Variants in INTU observed in about 807,000 individuals in gnomAD.
INTU encodes protein inturned.
A neutral mutation model predicts 100.5 loss-of-function variants in INTU; 68 were observed. That is an observed-to-expected ratio of 0.68 (90% CI 0.56 to 0.83). INTU has a LOEUF of 0.83. INTU is among the 40% of genes least tolerant of loss of function. The pLI is 0.00. For synonymous variants in INTU, 357 were observed against 395.7 expected, an observed-to-expected ratio of 0.90 and a Z score of 1.16; for missense variants, 1,071 against 1,114.7, an observed-to-expected ratio of 0.96 and a Z score of 0.56.
chr4:127,648,254 C>G (rs191999426), intron 2 of INTU, among the ~76,000 whole-genome samples: 27 of 152,184 alleles, frequency 1.8e-4, no homozygotes, highest in Non-Finnish European at 2.6e-4. Flanking sequence ...TGCAAAGGTG[C>G]GATGTCCGGG....
intron 14 of INTU, 97 bp downstream of exon 14, chr4:127,711,199 T>G: frequency 1.0e-6 from 1 of 971,802 alleles, no homozygotes; most frequent in Non-Finnish European, 1.4e-6. Context: ...TGTTTTCATT[T>G]CATTAAGTTT....
intron 5 of INTU, 118 bp downstream of exon 5, chr4:127,669,272 T>G (rs1446508425): frequency 2.0e-6 from 1 of 507,490 alleles, no homozygotes; most frequent in African/African-American, 2.0e-5. Flanking sequence ...ATGTATGTAT[T>G]ATATACATTA....
intron 12 of INTU, among the ~76,000 whole-genome samples, chr4:127,707,375 A>G (rs1214119880): frequency 3.1e-5 from 4 of 128,538 alleles, no homozygotes; most frequent in Admixed American, 9.1e-5. Flanking sequence ...CCTGGGTGAC[A>G]GAGTGAGACT....
rs1728557202 is a variant in INTU at position 127,663,363 on chromosome 4, T to C, written c.769-18T>C. The C allele has an allele frequency of 6.3e-7, 1 of 1,596,190 alleles. No homozygotes were observed. Among genetic ancestry groups the C allele is most frequent in the South Asian group, 1.1e-5 (1 of 90,174 alleles). On this transcript the variant is annotated intron_variant, in intron 3 of 15. Transcript: ENST00000335251. ...TTTCCCTTGTCGAAAAGTCAACACA[T>C]TGTTTTAATTTTTAAAGGTGAAACT...
At chr4:127,660,218 A>G (rs937566347) in intron 3 of INTU, among the ~76,000 whole-genome samples, 21 of 152,136 alleles carry the variant, frequency 1.4e-4, no homozygotes, top group African/African-American at 5.1e-4. Context: ...GAGGAAGGAA[A>G]GAGGACAATA....
At chr4:127,695,840 T>C (rs1730358785) in intron 8 of INTU, among the ~76,000 whole-genome samples, 2 of 152,184 alleles carry the variant, frequency 1.3e-5, no homozygotes, top group Admixed American at 6.5e-5. Flanking sequence ...TTTGTAGATA[T>C]TCTTTATCAA....
chr4:127,709,825 T>C (rs1191976072), intron 13 of INTU, among the ~76,000 whole-genome samples: 1 of 151,992 alleles, frequency 6.6e-6, no homozygotes, highest in Admixed American at 6.6e-5. Context: ...TGTTAGAAAA[T>C]TCTTTTTTTC....
In INTU at chr4:127,725,489, C is replaced by T. The variant is rs1396933419; in HGVS notation, c.*9053C>T. On this transcript the variant is annotated 3_prime_UTR_variant, in exon 16 of 16. Coordinates refer to ENST00000335251, the MANE Select transcript of INTU (RefSeq NM_015693.4). ...GATATGTCCCTGAAAATACCATGAACTACTTCTAATACTGATAATTATGAA... is the reference window on the plus strand; with the variant it reads ...GATATGTCCCTGAAAATACCATGAATTACTTCTAATACTGATAATTATGAA... 2.0e-5 allele frequency: 3 copies of T among 152,266 alleles called. No homozygotes were observed. The highest frequency in any genetic ancestry group is 4.4e-5 in the Non-Finnish European group (3 of 68,020). The allele number at this position is 152,266 out of a possible 1,614,324, so 9.4% of individuals were successfully genotyped here.
intron 2 of INTU, among the ~76,000 whole-genome samples, chr4:127,650,786 G>C (rs1007634203): frequency 1.3e-5 from 2 of 151,592 alleles, no homozygotes; most frequent in African/African-American, 4.8e-5. Context: ...GATCCCTGAG[G>C]AATCGCCACA....
Position 127,723,087 on chromosome 4 carries a change from C to G in INTU, c.*6651C>G, listed in dbSNP as rs1397139482. ...TTGGCTCAGGAGGGAACCTCCTGAT[C>G]TACAAGTTGCAAGGATCTGTGGGAA... On this transcript the variant is annotated 3_prime_UTR_variant, in exon 16 of 16. Coordinates refer to ENST00000335251, the MANE Select transcript of INTU (RefSeq NM_015693.4). The G allele has an allele frequency of 6.6e-6, 1 of 152,168 alleles. No individual in the cohort carries two copies. Among genetic ancestry groups the G allele is most frequent in the Non-Finnish European group, 1.5e-5 (1 of 68,044 alleles). 9.4% of individuals were successfully genotyped at this position (152,168 alleles called of 1,614,324 possible).
In INTU at chr4:127,675,793, G is replaced by A. The variant is rs149726398; in HGVS notation, c.1181+1580G>A. On this transcript the variant is annotated intron_variant, in intron 6 of 15. Transcript: ENST00000335251. ...GTCAACTGGCTTCCTCCAAAGTGGC[G>A]AGCCAAAAGACAGAAAGAGGGGGAT... is the stretch of plus-strand genomic sequence containing the variant. The A allele has an allele frequency of 6.4e-3, 1,069 of 167,708 alleles. 12 individuals are homozygous for A. The highest frequency in any genetic ancestry group is 0.024 in the African/African-American group (1,016 of 42,094). The allele number at this position is 167,708 out of a possible 1,614,324, so 10.4% of individuals were successfully genotyped here. A position where few individuals can be genotyped will look rare whatever the true frequency, so the allele number is the denominator to read the frequency against.
At chr4:127,680,859 T>C (rs900814622) in intron 6 of INTU, among the ~76,000 whole-genome samples, 37 of 152,120 alleles carry the variant, frequency 2.4e-4, no homozygotes, top group African/African-American at 8.7e-4. Flanking sequence ...AACCCCATTG[T>C]CTCAGCCTAA....
chr4:127,682,996 A>G (rs1161488251), intron 6 of INTU, among the ~76,000 whole-genome samples: 1 of 152,182 alleles, frequency 6.6e-6, no homozygotes, highest in African/African-American at 2.4e-5. Flanking sequence ...AGGCTGTTCA[A>G]CCACACTCTG....
chr4:127,703,622 A>AT (rs1730747035), intron 9 of INTU, among the ~76,000 whole-genome samples: 1 of 152,016 alleles, frequency 6.6e-6, no homozygotes, highest in African/African-American at 2.4e-5. Context: ...GATCAATCAT[A>AT]TTTTTTTAAC....
intron 6 of INTU, among the ~76,000 whole-genome samples, chr4:127,682,042 A>C (rs1004835153): frequency 6.6e-6 from 1 of 151,532 alleles, no homozygotes; most frequent in Non-Finnish European, 1.5e-5. Context: ...TGCAAATCAA[A>C]ACCACAATGA....
intron 1 of INTU, among the ~76,000 whole-genome samples, chr4:127,642,744 G>C (rs1238320660): frequency 3.3e-5 from 5 of 151,524 alleles, no homozygotes; most frequent in African/African-American, 1.2e-4. Flanking sequence ...GCTCCTTAAT[G>C]CTATTTCAAT....
chr4:127,662,595 A>G (rs941266140), intron 3 of INTU, among the ~76,000 whole-genome samples: 6 of 152,124 alleles, frequency 3.9e-5, no homozygotes, highest in African/African-American at 1.4e-4. Flanking sequence ...ATCCCTAAGT[A>G]CTTTGAAATG....
intron 4 of INTU, 102 bp from the exon 5 acceptor site, chr4:127,668,934 G>A: frequency 1.8e-6 from 1 of 560,404 alleles, no homozygotes; most frequent in Non-Finnish European, 3.3e-6. Flanking sequence ...GAAGCTGAAA[G>A]GATTCATTTT....
At chr4:127,677,335 A>C (rs1045927657) in intron 6 of INTU, among the ~76,000 whole-genome samples, 10 of 151,478 alleles carry the variant, frequency 6.6e-5, no homozygotes, top group Non-Finnish European at 1.3e-4. Flanking sequence ...CGAGCAGCCT[A>C]ACTGGGAGGC....
Sources: allele counts gnomAD v4.1 joint callset (sites outside exome capture counted in the v4.1 genomes callset), GRCh38; gene constraint gnomAD v4.1.1; transcripts MANE v1.5; gene names NCBI Gene and HGNC (gene_info 2026-07-23, HGNC 2026-07-21).